CFAP410: variants seen among roughly 807,000 people sequenced by gnomAD.
CFAP410 encodes cilia and flagella associated protein 410.
In CFAP410, 27 loss-of-function variants were observed where a neutral mutation model predicts 25.7. The ratio of observed to expected loss-of-function variants is 1.05; its 90% CI spans 0.77 to 1.45. CFAP410 has a LOEUF of 1.45. CFAP410 is among the 40% of genes most tolerant of loss of function. The pLI, the probability that CFAP410 is intolerant of heterozygous loss-of-function variation, is 0.00. For synonymous variants in CFAP410, 178 were observed against 158.4 expected, an observed-to-expected ratio of 1.12 and a Z score of -0.93; for missense variants, 428 against 354.1, an observed-to-expected ratio of 1.21 and a Z score of -1.67.
rs142691279 is a variant in CFAP410 at position 44,331,843 on chromosome 21, G to A, written c.545C>T (p.Thr182Ile). 6.4e-4 allele frequency: 1,031 copies of A among 1,609,842 alleles called. No homozygotes were observed. Among genetic ancestry groups the A allele is most frequent in the Non-Finnish European group, 8.4e-4 (992 of 1,179,292 alleles). ...RDPLDSEEEATSGAQDERGLK... is the reference protein window; with the variant it reads ...RDPLDSEEEAISGAQDERGLK... ...AGTCCCCGCTGCCCTCCAGCCTCAC[G>A]TTGCCTCCTCCTCGCTGTCCAGCGG... Residue 182 changes from threonine (T) to isoleucine (I), a missense_variant and splice_region_variant, in exon 5 of 7, where the codon ACC becomes ATC. Thr to Ile is a moderately conservative substitution (Grantham distance 89). Coordinates refer to ENST00000339818, the MANE Select transcript of CFAP410 (RefSeq NM_004928.3).
At chr21:44,330,734 T>C (rs1360025453) in intron 6 of CFAP410, 89 bp downstream of exon 6, 8 of 1,549,928 alleles carry the variant, frequency 5.2e-6, no homozygotes. Flanking sequence ...CACGGGGCCC[T>C]GTGAGGCTCC....
At chr21:44,330,437 G>T in intron 6 of CFAP410, 111 bp from the exon 7 acceptor site, 3 of 1,546,564 alleles carry the variant, frequency 1.9e-6, no homozygotes, top group Non-Finnish European at 2.6e-6. Context: ...CTGGTCCCGG[G>T]GGTGTGGGCC....
chr21:44,339,246 C>A lies in CFAP410; in HGVS notation c.-52G>T. On this transcript the variant is annotated 5_prime_UTR_variant, in exon 1 of 7. Transcript: ENST00000339818. ...GCGCCCCCGGCCTCCTGATCCCGGG[C>A]GGGTGACGACTGCGCGGCGCGTGTC... The A allele has an allele frequency of 1.7e-6, 2 of 1,191,528 alleles. No homozygotes were observed. Among genetic ancestry groups the A allele is most frequent in the Admixed American group, 3.8e-5 (1 of 26,250 alleles). 73.8% of individuals were successfully genotyped at this position (1,191,528 alleles called of 1,614,324 possible).
chr21:44,329,261 G>A lies in CFAP410; in HGVS notation c.*937C>T, dbSNP rs2047595653. On this transcript the variant is annotated 3_prime_UTR_variant, in exon 7 of 7. Coordinates refer to ENST00000339818, the MANE Select transcript of CFAP410 (RefSeq NM_004928.3). ...ACACACGGTCACGCATCACCGCTCGGCGGAGGATGGGAATATCTCATGGAG... is the reference window on the plus strand; with the variant it reads ...ACACACGGTCACGCATCACCGCTCGACGGAGGATGGGAATATCTCATGGAG... The A allele has an allele frequency of 6.6e-6, 1 of 152,262 alleles. No individual in the cohort carries two copies. The highest frequency in any genetic ancestry group is 1.5e-5 in the Non-Finnish European group (1 of 68,062). 9.4% of individuals were successfully genotyped at this position (152,262 alleles called of 1,614,324 possible).
chr21:44,329,901 A>C lies in CFAP410; in HGVS notation c.*297T>G, dbSNP rs1157405983. Reference sequence around the variant, plus strand: ...CGTCACCTCCAGATCAACCTTGGGAAAATCTTTTATTAGGGAGGACAGCCT... The same window carrying C: ...CGTCACCTCCAGATCAACCTTGGGACAATCTTTTATTAGGGAGGACAGCCT... On this transcript the variant is annotated 3_prime_UTR_variant, in exon 7 of 7. Coordinates refer to ENST00000339818, the MANE Select transcript of CFAP410 (RefSeq NM_004928.3). 4 of 357,682 alleles carry C rather than the reference A, an allele frequency of 1.1e-5. No homozygotes were observed. The highest frequency in any genetic ancestry group is 2.0e-5 in the Non-Finnish European group (4 of 196,670). 22.2% of individuals were successfully genotyped at this position (357,682 alleles called of 1,614,324 possible).
chr21:44,338,985 G>T (rs2033238388), intron 1 of CFAP410, 133 bp downstream of exon 1: 1 of 150,606 alleles, frequency 6.6e-6, no homozygotes, highest in Non-Finnish European at 1.2e-5. Flanking sequence ...CTCCGGCTCC[G>T]CCCTCGTCCC....
rs1341302860 is a variant in CFAP410 at position 44,339,229 on chromosome 21, G to C, written c.-35C>G. The C allele has an allele frequency of 7.3e-7, 1 of 1,364,626 alleles. No homozygotes were observed. The highest frequency in any genetic ancestry group is 9.6e-7 in the Non-Finnish European group (1 of 1,040,068). 84.5% of individuals were successfully genotyped at this position (1,364,626 alleles called of 1,614,324 possible). On this transcript the variant is annotated 5_prime_UTR_variant, in exon 1 of 7. Transcript: ENST00000339818. ...CCAGGCCCGACCGGCGGGCGCCCCC[G>C]GCCTCCTGATCCCGGGCGGGTGACG...
At chr21:44,332,730 G>A (rs2047675335) in intron 4 of CFAP410, 6 of 475,186 alleles carry the variant, frequency 1.3e-5, no homozygotes, top group Non-Finnish European at 2.3e-5. Context: ...TCAGAGCAGG[G>A]CTGCTACTCA....
chr21:44,336,222 G>C (rs999410020), intron 2 of CFAP410, among the ~76,000 whole-genome samples: 2 of 152,170 alleles, frequency 1.3e-5, no homozygotes, highest in Non-Finnish European at 2.9e-5. Context: ...ACGCCCCGCA[G>C]ACTGAAGGAG....
intron 6 of CFAP410, 146 bp from the exon 7 acceptor site, chr21:44,330,472 C>A: frequency 6.5e-7 from 1 of 1,532,116 alleles, no homozygotes; most frequent in Non-Finnish European, 8.8e-7. Flanking sequence ...CCGGCACACT[C>A]GGAGAATCTG....
intron 1 of CFAP410, chr21:44,338,419 G>T (rs1427845612): frequency 1.3e-6 from 1 of 764,152 alleles, no homozygotes; most frequent in Non-Finnish European, 2.0e-6. Context: ...CCTTGGCTCA[G>T]TGAGACTCAG....
intron 5 of CFAP410, chr21:44,331,164 G>C: frequency 3.5e-6 from 2 of 570,870 alleles, no homozygotes. Context: ...CTCCCCAGCT[G>C]TAACACCTTC....
intron 3 of CFAP410, chr21:44,333,851 C>T (rs540688180): frequency 2.3e-5 from 8 of 354,038 alleles, no homozygotes; most frequent in South Asian, 6.3e-5. Flanking sequence ...CAAGCGAACA[C>T]GCGGAGCCGC....
chr21:44,335,579 TG>T, intron 3 of CFAP410, 178 bp downstream of exon 3: 1 of 610,778 alleles, frequency 1.6e-6, no homozygotes, highest in East Asian at 2.8e-5. Context: ...GGGCTGAACA[TG>T]GGGGCCACAG....
intron 6 of CFAP410, 184 bp downstream of exon 6, chr21:44,330,639 G>T (rs1452530825): frequency 6.5e-7 from 1 of 1,548,762 alleles, no homozygotes; most frequent in African/African-American, 1.4e-5. Flanking sequence ...CGTGTTACAC[G>T]TGTGTGCGCA....
rs1405941506 is a variant in CFAP410, at chr21:44,332,027, A to G, written c.374-13T>C. On this transcript the variant is annotated splice_polypyrimidine_tract_variant and intron_variant, in intron 4 of 6. Transcript: ENST00000339818. Reference sequence around the variant, plus strand: ...TCCTCCGTCACAGCTTTGGGATGAAAGACAGAAGACAGCATGAGTGGCCTC... The same window carrying G: ...TCCTCCGTCACAGCTTTGGGATGAAGGACAGAAGACAGCATGAGTGGCCTC... 6.3e-7 allele frequency: 1 copy of G among 1,585,742 alleles called. No homozygotes were observed. Among genetic ancestry groups the G allele is most frequent in the East Asian group, 2.3e-5 (1 of 43,738 alleles).
intron 2 of CFAP410, 44 bp from the exon 3 acceptor site, chr21:44,335,848 C>CTGAGGCAGGAAA (rs763871034): frequency 4.3e-5 from 63 of 1,481,730 alleles, no homozygotes; most frequent in Middle Eastern, 1.7e-4. Flanking sequence ...CACAGCAGGG[C>CTGAGGCAGGAAA]ATCGCGGCCG....
chr21:44,333,260 A>G lies in CFAP410; in HGVS notation c.146T>C (p.Val49Ala). ...AGGCTCCAGGGTGGAGATGCTGTTG[A>G]CACTGCACGGAGACCAGCACAGTCA... ...MPSLEVITLS[V>A]NSISTLEPVS... Residue 49 changes from valine (V) to alanine (A), a missense_variant and splice_region_variant, in exon 4 of 7, where the codon GTC becomes GCC. Val to Ala is a moderately conservative substitution (Grantham distance 64). Transcript: ENST00000339818. 6.2e-7 allele frequency: 1 copy of G among 1,609,698 alleles called. No individual in the cohort carries two copies. Among genetic ancestry groups the G allele is most frequent in the Non-Finnish European group, 8.5e-7 (1 of 1,178,440 alleles).
chr21:44,336,365 G>A (rs57970143), intron 2 of CFAP410, among the ~76,000 whole-genome samples: 2,543 of 152,270 alleles, frequency 0.017, 74 homozygotes, highest in African/African-American at 0.058. Flanking sequence ...ATCAGGTAAG[G>A]GGACCCCAAT....
Sources: allele counts gnomAD v4.1 joint callset (sites outside exome capture counted in the v4.1 genomes callset), GRCh38; gene constraint gnomAD v4.1.1; transcripts MANE v1.5; gene names NCBI Gene and HGNC (gene_info 2026-07-23, HGNC 2026-07-21).